GIPC1: variants seen among roughly 807,000 people sequenced by gnomAD.
The protein encoded by GIPC1 is PDZ domain-containing protein GIPC1.
GIPC1 carries 15 observed loss-of-function variants against 28.5 expected under a neutral mutation model. The ratio of observed to expected loss-of-function variants is 0.53; its 90% CI spans 0.35 to 0.81. The LOEUF (loss-of-function observed/expected upper bound fraction) is 0.81, where lower values mean the gene tolerates loss of function less well. GIPC1 is among the 30% of genes least tolerant of loss of function. The pLI, the probability that GIPC1 is intolerant of heterozygous loss-of-function variation, is 0.01. For missense variants in GIPC1, 439 were observed against 481.9 expected (o/e 0.91, Z 0.83); for synonymous variants, 224 against 206.1 (o/e 1.09, Z -0.74).
At chr19:14,486,430 GA>G (rs1176942073) in intron 3 of GIPC1, among the ~76,000 whole-genome samples, 2 of 152,186 alleles carry the variant, frequency 1.3e-5, no homozygotes, top group African/African-American at 4.8e-5. Context: ...TAGGTTGTGA[GA>G]GGAAGTGGCA....
At chr19:14,495,311 C>A (rs1433632934) in intron 1 of GIPC1, among the ~76,000 whole-genome samples, 1 of 67,902 alleles carries the variant, frequency 1.5e-5, no homozygotes, top group Non-Finnish European at 2.7e-5. Context: ...ATGATGAGTA[C>A]GGGGTAGGGG....
intron 3 of GIPC1, among the ~76,000 whole-genome samples, chr19:14,490,135 G>T (rs1416302178): frequency 3.9e-5 from 6 of 152,258 alleles, no homozygotes; most frequent in African/African-American, 1.4e-4. Context: ...GGAGGCCGAG[G>T]CGGGCGGATC....
intron 3 of GIPC1, among the ~76,000 whole-genome samples, chr19:14,488,111 AT>A (rs1467287514): frequency 6.6e-6 from 1 of 152,064 alleles, no homozygotes; most frequent in Non-Finnish European, 1.5e-5. Flanking sequence ...TCATGCAATG[AT>A]TTGGGGCAAG....
Position 14,480,776 on chromosome 19 carries a change from C to A in GIPC1, c.291G>T (p.Val97=), listed in dbSNP as rs1374965282. 1 of 1,608,882 alleles carries A rather than the reference C, an allele frequency of 6.2e-7. No individual in the cohort carries two copies. Among genetic ancestry groups the A allele is most frequent in the Non-Finnish European group, 8.5e-7 (1 of 1,175,964 alleles). The change falls in exon 5 of 9, where the codon GTG becomes GTT. Residue 97 remains valine (V), a splice_region_variant and synonymous_variant. Transcript: ENST00000393033. ...AEAFRLPTAE[V]MFCTLNTHKV... ...TGTGGGTGTTCAGGGTGCAGAACATCACCTGCAGGGGTGGGAGACGCTGAA... is the reference window on the plus strand; with the variant it reads ...TGTGGGTGTTCAGGGTGCAGAACATAACCTGCAGGGGTGGGAGACGCTGAA...
At chr19:14,483,109 T>C (rs1351298391) in intron 3 of GIPC1, 103 bp from the exon 4 acceptor site, 25 of 737,498 alleles carry the variant, frequency 3.4e-5, no homozygotes, top group East Asian at 8.2e-5. Flanking sequence ...AGAGAACAAA[T>C]TGGCCTCGGT....
At chr19:14,485,616 C>T (rs779494942) in intron 3 of GIPC1, among the ~76,000 whole-genome samples, 21 of 149,500 alleles carry the variant, frequency 1.4e-4, no homozygotes, top group Non-Finnish European at 2.5e-4. Flanking sequence ...CGTGCCAATG[C>T]ACTCACTCCA....
chr19:14,482,851 GC>G lies in GIPC1; in HGVS notation c.125del (p.Gly42AlafsTer56), dbSNP rs1555721278. On this transcript the variant is annotated frameshift_variant, in exon 4 of 9. Transcript: ENST00000393033. LOFTEE classifies it high-confidence loss of function. ...PGPLGGGGSG[G>X]PQMGLPPPPP... is the part of the protein sequence containing the mutation. ...GAGGGGGGGGCAAGCCCATTTGGGG[GC>G]CCCCCGACCCACCTCCGCCCAGAGG... is the stretch of plus-strand genomic sequence containing the variant. 7 of 1,572,106 alleles carry G rather than the reference GC, an allele frequency of 4.5e-6. No individual in the cohort carries two copies. Among genetic ancestry groups the G allele is most frequent in the Non-Finnish European group, 6.0e-6 (7 of 1,159,650 alleles).
intron 3 of GIPC1, chr19:14,489,442 T>C (rs1298673663): frequency 6.6e-6 from 6 of 912,684 alleles, no homozygotes; most frequent in Non-Finnish European, 1.1e-5. Flanking sequence ...GAAGTTTTCA[T>C]TGAAATTAAA....
chr19:14,485,216 C>T (rs575590796), intron 3 of GIPC1, among the ~76,000 whole-genome samples: 2 of 151,894 alleles, frequency 1.3e-5, no homozygotes, highest in South Asian at 4.2e-4. Flanking sequence ...ATTGCTCTGT[C>T]CCCAGGCTGG....
chr19:14,490,161 C>T (rs769806552), intron 3 of GIPC1, among the ~76,000 whole-genome samples: 19 of 151,208 alleles, frequency 1.3e-4, no homozygotes, highest in South Asian at 1.0e-3. Context: ...GTCAGCAGTT[C>T]AAGACCAGCC....
intron 3 of GIPC1, among the ~76,000 whole-genome samples, chr19:14,490,409 G>A (rs1296198339): frequency 2.0e-5 from 3 of 151,850 alleles, no homozygotes; most frequent in Non-Finnish European, 4.4e-5. Context: ...CAGGAACGGT[G>A]GTTCACGCCT....
rs7508653 is a variant in GIPC1, at chr19:14,478,514, C to T, written c.904G>A (p.Glu302Lys). Residue 302 changes from glutamate (E) to lysine (K), a missense_variant, in exon 9 of 9, where the codon GAG (glutamate) becomes AAG (lysine). Transcript: ENST00000393033. The surrounding 1 kb of genome is among the most constrained non-coding windows in gnomAD (Gnocchi z 5.2). ...KDKRNPDELA[E>K]ALDERLGDFA... ...TCACCCAGCCGTTCGTCCAGGGCCT[C>T]GGCCAGCTCATCCGGGTTCCTTTTG... 1.6e-5 allele frequency: 26 copies of T among 1,613,944 alleles called. No homozygotes were observed. Among genetic ancestry groups the T allele is most frequent in the Non-Finnish European group, 2.0e-5 (24 of 1,179,994 alleles).
At chr19:14,486,246 T>C (rs1294783837) in intron 3 of GIPC1, among the ~76,000 whole-genome samples, 1 of 152,122 alleles carries the variant, frequency 6.6e-6, no homozygotes, top group African/African-American at 2.4e-5. Context: ...ATTATGCCCA[T>C]TGAACAGATG....
rs202021165 is a variant in GIPC1 at position 14,489,517 on chromosome 19, G to C, written c.-31+2139C>G. The C allele has an allele frequency of 9.0e-6, 8 of 890,442 alleles. No homozygotes were observed. The East Asian group carries it at 1.7e-4, about 19-fold the overall frequency. 55.2% of individuals were successfully genotyped at this position (890,442 alleles called of 1,614,324 possible). A position where few individuals can be genotyped will look rare whatever the true frequency, so the allele number is the denominator to read the frequency against. Reference sequence around the variant, plus strand: ...TCCCTTTATGAACCTTGTGATAGATGAATGTGTGGAGATGGCGACTAGTGG... The same window carrying C: ...TCCCTTTATGAACCTTGTGATAGATCAATGTGTGGAGATGGCGACTAGTGG... On this transcript the variant is annotated intron_variant, in intron 3 of 8. Coordinates refer to ENST00000393033, the MANE Select transcript of GIPC1 (RefSeq NM_005716.4).
At chr19:14,495,578 C>G (rs1430750160) in intron 1 of GIPC1, among the ~76,000 whole-genome samples, 2 of 152,128 alleles carry the variant, frequency 1.3e-5, no homozygotes, top group Non-Finnish European at 2.9e-5. Flanking sequence ...ATGCCTGACA[C>G]GGAAGCTCTC....
rs535128927 is a variant in GIPC1, at chr19:14,478,688, C to T, written c.846G>A (p.Glu282=). The T allele has an allele frequency of 1.3e-4, 202 of 1,613,826 alleles. 1 individual carries two copies. In the South Asian group the frequency reaches 2.1e-3, roughly 16 times the overall value. The part of the protein sequence containing the change: ...LESYMGIRDT[E]LAATMVELGK... ...CCCCAGGCAGCCCTCACTCACCCAGCTCCGTGTCCCTGATACCCATGTAAC... is the reference window on the plus strand; with the variant it reads ...CCCCAGGCAGCCCTCACTCACCCAGTTCCGTGTCCCTGATACCCATGTAAC... The change falls in exon 8 of 9, where the codon GAG becomes GAA. Residue 282 remains glutamate (E), a synonymous_variant. Coordinates refer to ENST00000393033, the MANE Select transcript of GIPC1 (RefSeq NM_005716.4). This position sits in a 1 kb window ranked among gnomAD's most constrained non-coding sequence, Gnocchi z 5.2.
chr19:14,479,538 G>C lies in GIPC1; in HGVS notation c.656-14C>G. ...GGCTGATCATGTCTGTGGGAGGCAG[G>C]AGAGGAGTGAGTGTGGGGGAAGCTT... is the stretch of plus-strand genomic sequence containing the variant. On this transcript the variant is annotated splice_polypyrimidine_tract_variant and intron_variant, in intron 6 of 8. Coordinates refer to ENST00000393033, the MANE Select transcript of GIPC1 (RefSeq NM_005716.4). 1 of 1,349,416 alleles carries C rather than the reference G, an allele frequency of 7.4e-7. No individual in the cohort carries two copies. Among genetic ancestry groups the C allele is most frequent in the Non-Finnish European group, 9.8e-7 (1 of 1,021,398 alleles). 83.6% of individuals were successfully genotyped at this position (1,349,416 alleles called of 1,614,324 possible). A position where few individuals can be genotyped will look rare whatever the true frequency, so the allele number is the denominator to read the frequency against.
At chr19:14,487,685 C>CTTTTTTTTTTTTTTTTTTTT (rs34048955) in intron 3 of GIPC1, among the ~76,000 whole-genome samples, 2 of 130,454 alleles carry the variant, frequency 1.5e-5, no homozygotes, top group African/African-American at 3.1e-5. Flanking sequence ...CTTTATTTTC[C>CTTTTTTTTTTTTTTTTTTTT]TTTTTTTTTT....
Position 14,479,433 on chromosome 19 carries a change from GC to G in GIPC1, c.746del (p.Gly249AlafsTer117). On this transcript the variant is annotated frameshift_variant, in exon 7 of 9. Coordinates refer to ENST00000393033, the MANE Select transcript of GIPC1 (RefSeq NM_005716.4). LOFTEE classifies it high-confidence loss of function. ...TCACCAGATCCTCCACCGTGGCGGGGCCCCGGGATCGGAGCCGCAGGGTCCC... is the reference window on the plus strand; with the variant it reads ...TCACCAGATCCTCCACCGTGGCGGGGCCCGGGATCGGAGCCGCAGGGTCCC... Reference protein sequence around the residue: ...GRGTLRLRSRGPATVEDLPSA... With the variant: ...GRGTLRLRSRXPATVEDLPSA... 2.8e-6 allele frequency: 4 copies of G among 1,418,388 alleles called. No individual in the cohort carries two copies. Among genetic ancestry groups the G allele is most frequent in the Non-Finnish European group, 3.7e-6 (4 of 1,083,422 alleles). 87.9% of individuals were successfully genotyped at this position (1,418,388 alleles called of 1,614,324 possible).
Sources: allele counts gnomAD v4.1 joint callset (sites outside exome capture counted in the v4.1 genomes callset), GRCh38; gene constraint gnomAD v4.1.1; non-coding constraint Gnocchi (gnomAD v3.1); transcripts MANE v1.5; gene names NCBI Gene and HGNC (gene_info 2026-07-23, HGNC 2026-07-21).